The following LIPC variants were observed in gnomAD, a reference collection of about 807,000 sequenced individuals.
LIPC encodes hepatic triacylglycerol lipase.
A neutral mutation model predicts 50.7 loss-of-function variants in LIPC; 44 were observed. The ratio of observed to expected loss-of-function variants is 0.87; its 90% CI spans 0.68 to 1.11. The LOEUF is 1.11. Among genes scored for constraint, LIPC ranks in the 50% most tolerant of loss-of-function variants. LIPC has a pLI of 0.00. For synonymous variants in LIPC, 271 were observed against 256.4 expected (o/e 1.06, Z -0.54); for missense variants, 697 against 648.2 (o/e 1.08, Z -0.82).
At chr15:58,467,660 G>A (rs1197928196) in intron 1 of LIPC, among the ~76,000 whole-genome samples, 1 of 152,096 alleles carries the variant, frequency 6.6e-6, no homozygotes. Flanking sequence ...TCTTATCAGA[G>A]TGGCCCATTC....
At chr15:58,470,561 A>G (rs1894755687) in intron 1 of LIPC, among the ~76,000 whole-genome samples, 1 of 151,920 alleles carries the variant, frequency 6.6e-6, no homozygotes, top group African/African-American at 2.4e-5. Context: ...ACAGAATTGG[A>G]AAAGACAAAA....
At position 58,467,550 on chromosome 15, in the gene LIPC, G is replaced by T. The variant is rs1389451357; in HGVS notation, c.88+35430G>T. On this transcript the variant is annotated intron_variant, in intron 1 of 8. Transcript: ENST00000299022. The stretch of plus-strand genomic sequence containing the variant: ...TTATGATCCGGTACTAGGCCTTCTG[G>T]GAAGCAGCTTTCCTGGGCTTACGTC... Among the ~76,000 whole-genome samples the T allele has an allele frequency of 3.3e-5, 5 of 152,256 alleles. No homozygotes were observed. The South Asian group carries it at 1.0e-3, about 32-fold the overall frequency.
intron 1 of LIPC, among the ~76,000 whole-genome samples, chr15:58,490,943 C>CT (rs1566927197): frequency 6.6e-6 from 1 of 152,144 alleles, no homozygotes; most frequent in Admixed American, 6.5e-5. Flanking sequence ...AGCTCACCTC[C>CT]TAAGGAAAGA....
chr15:58,473,777 ACATGG>A (rs1459143520), intron 1 of LIPC: 2 of 152,378 alleles, frequency 1.3e-5, no homozygotes, highest in Admixed American at 1.3e-4. Flanking sequence ...AGGGAGAAAG[ACATGG>A]CTCCATCCCA....
chr15:58,565,089 C>T, intron 8 of LIPC: 10 of 1,042,822 alleles, frequency 9.6e-6, no homozygotes, highest in Non-Finnish European at 1.4e-5. Context: ...GCCCCTGAGT[C>T]CCTTTATACA....
At chr15:58,455,836 T>C (rs1477546055) in intron 1 of LIPC, among the ~76,000 whole-genome samples, 2 of 152,192 alleles carry the variant, frequency 1.3e-5, no homozygotes, top group African/African-American at 4.8e-5. Flanking sequence ...TGCGTGTATA[T>C]ATATATGAAT....
chr15:58,494,866 T>C (rs1001489350), intron 1 of LIPC: 3 of 456,142 alleles, frequency 6.6e-6, no homozygotes, highest in Non-Finnish European at 1.3e-5. Context: ...TCTGATTTCC[T>C]TAGCAACCCT....
At chr15:58,523,687 G>A (rs1247490839) in intron 1 of LIPC, among the ~76,000 whole-genome samples, 5 of 152,130 alleles carry the variant, frequency 3.3e-5, no homozygotes, top group African/African-American at 1.2e-4. Context: ...GGGAGCCCGA[G>A]GCAGGAGGAT....
intron 1 of LIPC, among the ~76,000 whole-genome samples, chr15:58,450,675 C>T (rs1893868772): frequency 6.6e-6 from 1 of 152,194 alleles, no homozygotes; most frequent in Non-Finnish European, 1.5e-5. Flanking sequence ...TGGTGGTCTG[C>T]TATACCTAGG....
chr15:58,498,144 G>A (rs915889417), intron 1 of LIPC, among the ~76,000 whole-genome samples: 1 of 152,100 alleles, frequency 6.6e-6, no homozygotes, highest in Non-Finnish European at 1.5e-5. Context: ...AGGGAAGATT[G>A]GTGTTTCTCT....
In LIPC at chr15:58,538,257, G is replaced by A. The variant is rs1270460224; in HGVS notation, c.89-76G>A. Reference sequence around the variant, plus strand: ...ACCTCTTTGGCTTGTGCTTGTAGAAGCAGCCTTTGAGAAGACGGAGGGCTT... The same window carrying A: ...ACCTCTTTGGCTTGTGCTTGTAGAAACAGCCTTTGAGAAGACGGAGGGCTT... On this transcript the variant is annotated intron_variant, in intron 1 of 8. Coordinates refer to ENST00000299022, the MANE Select transcript of LIPC (RefSeq NM_000236.3). 7 of 1,409,394 alleles carry A rather than the reference G, an allele frequency of 5.0e-6. No individual in the cohort carries two copies. The African/African-American group carries it at 9.9e-5, about 20-fold the overall frequency. 87.3% of individuals were successfully genotyped at this position (1,409,394 alleles called of 1,614,324 possible).
At chr15:58,491,497 C>A (rs1429211796) in intron 1 of LIPC, among the ~76,000 whole-genome samples, 4 of 152,194 alleles carry the variant, frequency 2.6e-5, no homozygotes, top group African/African-American at 9.6e-5. Context: ...ATAAGAGGTG[C>A]TAAAGTTACT....
intron 1 of LIPC, among the ~76,000 whole-genome samples, chr15:58,489,347 G>T (rs1891499966): frequency 6.6e-6 from 1 of 151,826 alleles, no homozygotes; most frequent in Non-Finnish European, 1.5e-5. Flanking sequence ...CCACGCTATT[G>T]TAGTAGAGTT....
At chr15:58,491,994 T>C (rs1891602025) in intron 1 of LIPC, among the ~76,000 whole-genome samples, 1 of 152,198 alleles carries the variant, frequency 6.6e-6, no homozygotes, top group Admixed American at 6.5e-5. Context: ...TCTGACCCAG[T>C]TGGATACCTT....
At chr15:58,527,845 G>T (rs1308796241) in intron 1 of LIPC, among the ~76,000 whole-genome samples, 1 of 152,158 alleles carries the variant, frequency 6.6e-6, no homozygotes, top group Non-Finnish European at 1.5e-5. Context: ...GTCTCTAAAA[G>T]CATACCCAAG....
intron 8 of LIPC, chr15:58,566,266 A>G (rs1894362473): frequency 4.1e-6 from 4 of 985,446 alleles, no homozygotes; most frequent in South Asian, 9.4e-5. Flanking sequence ...TGCTTTGAGG[A>G]GGCCAAGAGG....
At chr15:58,557,813 C>A (rs180826368) in intron 6 of LIPC, among the ~76,000 whole-genome samples, 23 of 152,230 alleles carry the variant, frequency 1.5e-4, no homozygotes, top group African/African-American at 4.6e-4. Context: ...CTGGAAGGTA[C>A]CCTGACTATT....
At chr15:58,471,694 C>G (rs1890811772) in intron 1 of LIPC, among the ~76,000 whole-genome samples, 1 of 152,174 alleles carries the variant, frequency 6.6e-6, no homozygotes, top group South Asian at 2.1e-4. Flanking sequence ...CTCCAAAACT[C>G]TGAATCAACC....
chr15:58,515,953 G>A (rs1236928295), intron 1 of LIPC, among the ~76,000 whole-genome samples: 2 of 152,062 alleles, frequency 1.3e-5, no homozygotes, highest in Non-Finnish European at 2.9e-5. Context: ...CTCACTTCCT[G>A]TTCTCTCATA....
Sources: gnomAD v4.1 joint callset for allele counts (sites outside exome capture counted in the v4.1 genomes callset) on GRCh38, gnomAD v4.1.1 for gene constraint, MANE v1.5 for transcripts, NCBI Gene and HGNC (gene_info 2026-07-23, HGNC 2026-07-21) for gene names.